DLGAP2: variants seen among roughly 807,000 people sequenced by gnomAD.
The protein encoded by DLGAP2 is disks large-associated protein 2.
Under a neutral mutation model 100.3 loss-of-function variants are expected in DLGAP2, and 26 were observed. The ratio of observed to expected loss-of-function variants is 0.26; its 90% CI spans 0.19 to 0.36. The LOEUF (loss-of-function observed/expected upper bound fraction) is 0.36. Ranked by LOEUF, DLGAP2 falls within the 10% of genes least tolerant of loss-of-function variation. The probability of loss-of-function intolerance (pLI) is 1.00; values close to 1 mark genes in which losing one functional copy is unlikely to be tolerated. For missense variants in DLGAP2, 1,858 were observed against 1,453.2 expected (o/e 1.28, Z -4.53); for synonymous variants, 886 against 630.1 (o/e 1.41, Z -6.08).
intron 2 of DLGAP2, among the ~76,000 whole-genome samples, chr8:1,177,708 G>A (rs1797290244): frequency 6.6e-6 from 1 of 152,168 alleles, no homozygotes; most frequent in Admixed American, 6.5e-5. Context: ...GAGGCTGGAA[G>A]TCTGAGATTG....
At chr8:1,647,802 T>C (rs569417286) in intron 8 of DLGAP2, among the ~76,000 whole-genome samples, 1 of 152,272 alleles carries the variant, frequency 6.6e-6, no homozygotes, top group African/African-American at 2.4e-5. Context: ...CCCAGAGATT[T>C]ATCTCTCACA....
intron 2 of DLGAP2, among the ~76,000 whole-genome samples, chr8:1,163,285 C>T (rs1166297369): frequency 6.6e-6 from 1 of 152,218 alleles, no homozygotes; most frequent in African/African-American, 2.4e-5. Context: ...ATATTAAACT[C>T]CCAGACGGGA....
chr8:1,334,452 C>T (rs1456218579), intron 3 of DLGAP2, among the ~76,000 whole-genome samples: 1 of 152,156 alleles, frequency 6.6e-6, no homozygotes, highest in South Asian at 2.1e-4. Context: ...GCTGTGGGAA[C>T]GTGCTGTGGA....
chr8:1,475,565 T>A (rs1488388866), intron 3 of DLGAP2, among the ~76,000 whole-genome samples: 1 of 152,100 alleles, frequency 6.6e-6, no homozygotes, highest in Non-Finnish European at 1.5e-5. Context: ...GGAGTAAACG[T>A]CTTCCATACT....
chr8:1,037,223 G>A (rs187917578), intron 2 of DLGAP2, among the ~76,000 whole-genome samples: 10 of 152,126 alleles, frequency 6.6e-5, no homozygotes, highest in East Asian at 3.9e-4. Context: ...CTCCCGGCCC[G>A]AGCGCCCCGA....
chr8:1,631,553 T>C (rs1251333776), intron 7 of DLGAP2, among the ~76,000 whole-genome samples: 1 of 152,228 alleles, frequency 6.6e-6, no homozygotes, highest in Non-Finnish European at 1.5e-5. Context: ...GGCTGTGTCC[T>C]GGTTGTGCCT....
At chr8:856,744 G>C (rs1374087760) in intron 1 of DLGAP2, among the ~76,000 whole-genome samples, 1 of 152,198 alleles carries the variant, frequency 6.6e-6, no homozygotes, top group Non-Finnish European at 1.5e-5. Flanking sequence ...AAGTAATGGG[G>C]AGGCACCCCA....
chr8:1,705,112 C>A lies in DLGAP2; in HGVS notation c.*3706C>A, dbSNP rs2130900973. 1 of 152,342 alleles carries A rather than the reference C, an allele frequency of 6.6e-6. No individual in the cohort carries two copies. Among genetic ancestry groups the A allele is most frequent in the South Asian group, 2.1e-4 (1 of 4,834 alleles). The allele number at this position is 152,342 out of a possible 1,614,324, so 9.4% of individuals were successfully genotyped here. A position where few individuals can be genotyped will look rare whatever the true frequency, so the allele number is the denominator to read the frequency against. On this transcript the variant is annotated 3_prime_UTR_variant, in exon 15 of 15. Transcript: ENST00000637795. ...AAGGGATACTGCAGGCCTGTGTTTGCAGCGCCTGTGGTAACTGTGGAATGA... is the reference window on the plus strand; with the variant it reads ...AAGGGATACTGCAGGCCTGTGTTTGAAGCGCCTGTGGTAACTGTGGAATGA...
intron 1 of DLGAP2, among the ~76,000 whole-genome samples, chr8:785,456 G>A (rs1461721334): frequency 2.7e-5 from 4 of 147,578 alleles, no homozygotes; most frequent in African/African-American, 5.0e-5. Flanking sequence ...GTCTCTCTGA[G>A]ACCGGCCTCC....
At chr8:1,670,288 G>A (rs541517476) in intron 10 of DLGAP2, among the ~76,000 whole-genome samples, 59 of 152,322 alleles carry the variant, frequency 3.9e-4, no homozygotes, top group African/African-American at 1.4e-3. Context: ...AGCACGCTCG[G>A]CACAGTGCCG....
chr8:900,200 G>T (rs892481528), intron 1 of DLGAP2, among the ~76,000 whole-genome samples: 4 of 150,932 alleles, frequency 2.7e-5, no homozygotes, highest in Non-Finnish European at 5.9e-5. Context: ...TCCTCTTCAC[G>T]GGGTCGCTCC....
rs185641679 is a variant in DLGAP2, at chr8:1,274,179, T to C, written c.106+15296T>C. ...TTAACTTAATATTTTAATTTTAAAA[T>C]AAATTATGTATTTATATTTCAAATA... On this transcript the variant is annotated intron_variant, in intron 3 of 14. Coordinates refer to ENST00000637795, the MANE Select transcript of DLGAP2 (RefSeq NM_001346810.2). Among the ~76,000 whole-genome samples, 231 of 151,930 alleles carry C rather than the reference T, an allele frequency of 1.5e-3. 1 individual carries two copies. Among genetic ancestry groups the C allele is most frequent in the Non-Finnish European group, 2.7e-3 (181 of 67,914 alleles).
At chr8:1,698,438 TGGTCCACGTAAGCCATGCATGGGACA>T (rs951475133) in intron 14 of DLGAP2, among the ~76,000 whole-genome samples, 4 of 90,142 alleles carry the variant, frequency 4.4e-5, no homozygotes, top group Non-Finnish European at 6.9e-5. Context: ...GGGAGTAGGC[TGGTCCACGTAAGCCATGCATGGGACA>T]GGTCCACGTA....
chr8:970,071 C>A (rs928419586), intron 2 of DLGAP2, among the ~76,000 whole-genome samples: 3 of 152,132 alleles, frequency 2.0e-5, no homozygotes, highest in Non-Finnish European at 2.9e-5. Context: ...CATATATCTT[C>A]ATTTTTTTCA....
At chr8:1,473,307 A>G (rs958606940) in intron 3 of DLGAP2, among the ~76,000 whole-genome samples, 10 of 152,194 alleles carry the variant, frequency 6.6e-5, no homozygotes, top group Non-Finnish European at 4.4e-5. Context: ...GGCTGAGTAG[A>G]TGAACAGAAG....
intron 1 of DLGAP2, chr8:754,258 A>G (rs1359526339): frequency 2.0e-5 from 3 of 151,870 alleles, no homozygotes; most frequent in Admixed American, 6.6e-5. Context: ...CCCGTCGCCA[A>G]CTCTGCCGAG....
intron 2 of DLGAP2, among the ~76,000 whole-genome samples, chr8:1,100,622 G>T (rs760156439): frequency 1.5e-4 from 23 of 152,158 alleles, no homozygotes; most frequent in Non-Finnish European, 3.1e-4. Context: ...ATGAAGGTAG[G>T]TCACACACTT....
intron 2 of DLGAP2, among the ~76,000 whole-genome samples, chr8:1,231,570 G>C (rs1165015429): frequency 1.3e-5 from 2 of 152,194 alleles, no homozygotes; most frequent in East Asian, 3.8e-4. Context: ...ATAGCAAAGA[G>C]AGGAAATCAG....
chr8:1,536,901 C>T (rs944482809), intron 4 of DLGAP2, among the ~76,000 whole-genome samples: 3 of 152,158 alleles, frequency 2.0e-5, no homozygotes, highest in Admixed American at 6.5e-5. Flanking sequence ...TGCTCACAGT[C>T]GCTAATATGT....
Sources: allele counts gnomAD v4.1 joint callset (sites outside exome capture counted in the v4.1 genomes callset), GRCh38; gene constraint gnomAD v4.1.1; transcripts MANE v1.5; gene names NCBI Gene and HGNC (gene_info 2026-07-23, HGNC 2026-07-21).